CALN1: variants seen among roughly 807,000 people sequenced by gnomAD.
CALN1 encodes the protein calneuron 1.
A neutral mutation model predicts 30.6 loss-of-function variants in CALN1; 17 were observed. The ratio of observed to expected loss-of-function variants is 0.56; its 90% CI spans 0.38 to 0.83. The LOEUF (loss-of-function observed/expected upper bound fraction) is 0.83. Ranked by LOEUF, CALN1 falls within the 40% of genes least tolerant of loss-of-function variation. The pLI, the probability that CALN1 is intolerant of heterozygous loss-of-function variation, is 0.00. For missense variants in CALN1, 291 were observed against 354.9 expected (o/e 0.82, Z 1.45); for synonymous variants, 156 against 131.4 (o/e 1.19, Z -1.28).
chr7:72,350,385 A>C (rs911412152), intron 2 of CALN1, among the ~76,000 whole-genome samples: 1 of 152,184 alleles, frequency 6.6e-6, no homozygotes, highest in Non-Finnish European at 1.5e-5. Flanking sequence ...GAACCTAAGT[A>C]CCCAGCAATG....
chr7:71,875,032 G>A (rs1201869703), intron 5 of CALN1, among the ~76,000 whole-genome samples: 1 of 152,032 alleles, frequency 6.6e-6, no homozygotes. Flanking sequence ...GAGTGTGGGG[G>A]TGCATGCTTA....
chr7:71,788,349 A>G (rs1460303592), intron 6 of CALN1, among the ~76,000 whole-genome samples: 1 of 152,118 alleles, frequency 6.6e-6, no homozygotes, highest in Non-Finnish European at 1.5e-5. Flanking sequence ...GCTGGGTGCA[A>G]CTTACCTTTC....
the CALN1 span, among the ~76,000 whole-genome samples, chr7:72,455,533 C>T: frequency 4.6e-5 from 7 of 151,796 alleles, no homozygotes; most frequent in African/African-American, 7.3e-5. Context: ...CTCAGGAGCT[C>T]GCAGGAAAGA....
chr7:72,083,219 G>A (rs1167864575), intron 4 of CALN1, among the ~76,000 whole-genome samples: 1 of 152,016 alleles, frequency 6.6e-6, no homozygotes, highest in Admixed American at 6.6e-5. Flanking sequence ...ATGCAAGAAA[G>A]TGTGACTGAT....
chr7:72,477,146 G>T, the CALN1 span, among the ~76,000 whole-genome samples: 1 of 152,044 alleles, frequency 6.6e-6, no homozygotes, highest in Non-Finnish European at 1.5e-5. Context: ...AGGTGGCGGA[G>T]GTTGCAGTGA....
upstream of CALN1, among the ~76,000 whole-genome samples, chr7:72,416,258 T>C (rs1397843985): frequency 6.6e-6 from 1 of 152,188 alleles, no homozygotes; most frequent in Non-Finnish European, 1.5e-5. Context: ...TGCTCCTTAA[T>C]TTGCATATAA....
intron 5 of CALN1, among the ~76,000 whole-genome samples, chr7:71,976,323 G>A (rs751051510): frequency 8.5e-5 from 13 of 152,138 alleles, no homozygotes; most frequent in Admixed American, 2.0e-4. Context: ...ATAGCTGGAC[G>A]TGACCTTCCA....
chr7:71,927,223 T>A (rs1366439027), intron 5 of CALN1, among the ~76,000 whole-genome samples: 1 of 145,132 alleles, frequency 6.9e-6, no homozygotes, highest in Non-Finnish European at 1.6e-5. Flanking sequence ...TGTATGTGTT[T>A]TTTTGAGACA....
At chr7:72,133,132 G>C (rs1809275036) in intron 3 of CALN1, among the ~76,000 whole-genome samples, 1 of 152,020 alleles carries the variant, frequency 6.6e-6, no homozygotes, top group Middle Eastern at 3.4e-3. Flanking sequence ...GCCAAAAAGG[G>C]TGGAGACCAC....
At chr7:71,953,621 G>T (rs1423978730) in intron 5 of CALN1, among the ~76,000 whole-genome samples, 1 of 152,078 alleles carries the variant, frequency 6.6e-6, no homozygotes, top group Non-Finnish European at 1.5e-5. Context: ...TAGCTCTTTT[G>T]AGATGTGTGT....
chr7:72,373,865 A>C (rs550446151), intron 2 of CALN1, among the ~76,000 whole-genome samples: 3 of 152,362 alleles, frequency 2.0e-5, no homozygotes, highest in Non-Finnish European at 4.4e-5. Context: ...CTTGAAAGTA[A>C]ACAGAAAAAT....
At chr7:72,203,845 C>T (rs773936432) in intron 3 of CALN1, among the ~76,000 whole-genome samples, 2 of 151,830 alleles carry the variant, frequency 1.3e-5, no homozygotes, top group Non-Finnish European at 2.9e-5. Context: ...TCATACTAGC[C>T]CAATGCAGAA....
intron 3 of CALN1, among the ~76,000 whole-genome samples, chr7:72,178,274 C>T (rs1789510292): frequency 6.6e-6 from 1 of 152,114 alleles, no homozygotes; most frequent in African/African-American, 2.4e-5. Flanking sequence ...TTCAGCTTGA[C>T]ATTAAAGGGA....
rs1805965986 is a variant in CALN1 at position 72,396,478 on chromosome 7, T to C, written c.119+6773A>G. 3.9e-5 allele frequency among the ~76,000 whole-genome samples: 6 copies of C among 151,928 alleles called. 1 individual carries two copies. In the Middle Eastern group the frequency reaches 0.01, roughly 258 times the overall value. Reference sequence around the variant, plus strand: ...AGAAATAGAGCAATGTATGCAATTTTTCTTGGGGGAAGAAAGAAGACACTG... The same window carrying C: ...AGAAATAGAGCAATGTATGCAATTTCTCTTGGGGGAAGAAAGAAGACACTG... On this transcript the variant is annotated intron_variant, in intron 2 of 6. Coordinates refer to ENST00000395275, the MANE Select transcript of CALN1 (RefSeq NM_031468.4).
intron 5 of CALN1, among the ~76,000 whole-genome samples, chr7:71,886,228 C>A (rs1235829542): frequency 6.6e-6 from 1 of 152,260 alleles, no homozygotes; most frequent in Non-Finnish European, 1.5e-5. Flanking sequence ...CGAACATCTC[C>A]TTTGAAAGCT....
intron 3 of CALN1, among the ~76,000 whole-genome samples, chr7:72,239,489 A>G (rs1794700673): frequency 6.6e-6 from 1 of 152,158 alleles, no homozygotes; most frequent in Admixed American, 6.5e-5. Context: ...AGAGATTTTT[A>G]TTTCTATTGT....
rs768444471 is a variant in CALN1, at chr7:71,787,913, G to A, written c.659-11C>T. The A allele has an allele frequency of 6.2e-7, 1 of 1,614,036 alleles. No homozygotes were observed. Among genetic ancestry groups the A allele is most frequent in the South Asian group, 1.1e-5 (1 of 91,086 alleles). On this transcript the variant is annotated splice_polypyrimidine_tract_variant and intron_variant, in intron 6 of 6. Transcript: ENST00000395275. ...GCTTCTGGGAATGCACTGGTGGTGG[G>A]AGAAGCAGGTGTGGGAAGAAGGAAG... is the stretch of plus-strand genomic sequence containing the variant.
intron 3 of CALN1, among the ~76,000 whole-genome samples, chr7:72,140,711 A>G (rs796157486): frequency 9.2e-5 from 14 of 152,296 alleles, no homozygotes; most frequent in African/African-American, 3.4e-4. Context: ...TCCTGTACCC[A>G]GATACTGGGG....
chr7:72,110,450 C>A (rs1402943703), intron 3 of CALN1, among the ~76,000 whole-genome samples: 1 of 152,212 alleles, frequency 6.6e-6, no homozygotes, highest in Admixed American at 6.5e-5. Context: ...GCAAGGCTGG[C>A]CTCCTCCAAC....
Sources: allele counts gnomAD v4.1 joint callset (sites outside exome capture counted in the v4.1 genomes callset), GRCh38; gene constraint gnomAD v4.1.1; transcripts MANE v1.5; gene names NCBI Gene and HGNC (gene_info 2026-07-23, HGNC 2026-07-21).